The following CAMK4 variants were observed in gnomAD, a reference collection of about 807,000 sequenced individuals.
CAMK4 encodes calcium/calmodulin dependent protein kinase IV, also known as calcium/calmodulin-dependent protein kinase type IV.
CAMK4 carries 22 observed loss-of-function variants against 44.9 expected under a neutral mutation model. The ratio of observed to expected loss-of-function variants is 0.49; its 90% CI spans 0.35 to 0.70. CAMK4 has a LOEUF of 0.70. CAMK4 is among the 30% of genes least tolerant of loss of function. CAMK4 has a pLI of 0.01. For missense variants in CAMK4, 498 were observed against 586.8 expected (o/e 0.85, Z 1.56); for synonymous variants, 218 against 215.4 (o/e 1.01, Z -0.11).
intron 4 of CAMK4, among the ~76,000 whole-genome samples, chr5:111,388,309 T>C (rs144129733): frequency 1.4e-3 from 220 of 152,298 alleles, no homozygotes; most frequent in African/African-American, 5.1e-3. Flanking sequence ...ATACATTACA[T>C]CTATGATAAT....
intron 1 of CAMK4, among the ~76,000 whole-genome samples, chr5:111,323,243 A>G (rs962265904): frequency 6.6e-6 from 1 of 152,102 alleles, no homozygotes; most frequent in Non-Finnish European, 1.5e-5. Flanking sequence ...CTTAAAAGGA[A>G]CCATGAAACA....
intron 1 of CAMK4, among the ~76,000 whole-genome samples, chr5:111,255,543 C>G (rs1749702580): frequency 6.6e-6 from 1 of 152,062 alleles, no homozygotes; most frequent in Admixed American, 6.5e-5. Flanking sequence ...TTCAGTGAAG[C>G]TTTAAAAAAG....
At chr5:111,388,926 C>T (rs1037201521) in intron 4 of CAMK4, among the ~76,000 whole-genome samples, 1 of 152,166 alleles carries the variant, frequency 6.6e-6, no homozygotes, top group East Asian at 1.9e-4. Context: ...CACATGAACA[C>T]AGCTCCCAAG....
intron 1 of CAMK4, among the ~76,000 whole-genome samples, chr5:111,332,479 T>C (rs943713874): frequency 6.6e-6 from 1 of 151,514 alleles, no homozygotes; most frequent in African/African-American, 2.4e-5. Context: ...CAGTCTATCA[T>C]TGTTGGACAT....
chr5:111,362,763 A>G (rs2112799098), intron 2 of CAMK4, among the ~76,000 whole-genome samples: 1 of 152,156 alleles, frequency 6.6e-6, no homozygotes, highest in East Asian at 1.9e-4. Context: ...CTTGGGAAAT[A>G]TGAGGAGTAA....
At position 111,330,754 on chromosome 5, in the gene CAMK4, A is replaced by G. The variant is rs530114714; in HGVS notation, c.162-13270A>G. Among the ~76,000 whole-genome samples, 21 of 151,738 alleles carry G rather than the reference A, an allele frequency of 1.4e-4. 1 individual carries two copies. The highest frequency in any genetic ancestry group is 3.4e-3 in the Middle Eastern group (1 of 294). ...CCCCATAGATAACTACTGTAAAACT[A>G]CAGAAATCAGAGTAGTGAGGCGTTG... On this transcript the variant is annotated intron_variant, in intron 1 of 10. Transcript: ENST00000282356.
chr5:111,250,074 C>G (rs527490800), intron 1 of CAMK4, among the ~76,000 whole-genome samples: 216 of 152,326 alleles, frequency 1.4e-3, no homozygotes, highest in African/African-American at 5.1e-3. Flanking sequence ...GATTATCTGT[C>G]TGACTCCAAA....
intron 1 of CAMK4, among the ~76,000 whole-genome samples, chr5:111,261,753 T>C (rs1011130334): frequency 1.3e-5 from 2 of 152,162 alleles, no homozygotes; most frequent in African/African-American, 4.8e-5. Flanking sequence ...TCTTACCCCT[T>C]CAGGTATGGG....
At chr5:111,225,286 G>A (rs927428011) in intron 1 of CAMK4, among the ~76,000 whole-genome samples, 1 of 152,112 alleles carries the variant, frequency 6.6e-6, no homozygotes, top group African/African-American at 2.4e-5. Context: ...CTTCTTTCAT[G>A]GGCTGGAGTG....
intron 1 of CAMK4, among the ~76,000 whole-genome samples, chr5:111,272,747 AGGAG>A (rs1394024058): frequency 6.6e-6 from 1 of 152,202 alleles, no homozygotes; most frequent in Non-Finnish European, 1.5e-5. Context: ...TTTGATAGAA[AGGAG>A]GGAGCACCAA....
At chr5:111,428,692 A>C (rs1013506375) in intron 5 of CAMK4, among the ~76,000 whole-genome samples, 8 of 152,164 alleles carry the variant, frequency 5.3e-5, no homozygotes, top group Admixed American at 1.3e-4. Flanking sequence ...CAGAGAAGAC[A>C]AAAGAATAAA....
chr5:111,232,579 A>G (rs1015053102), intron 1 of CAMK4, among the ~76,000 whole-genome samples: 4 of 152,180 alleles, frequency 2.6e-5, no homozygotes, highest in African/African-American at 7.2e-5. Context: ...ACCTGTTTAA[A>G]AAAAACAAAA....
chr5:111,292,991 A>C (rs1229545640), intron 1 of CAMK4, among the ~76,000 whole-genome samples: 3 of 152,190 alleles, frequency 2.0e-5, no homozygotes, highest in African/African-American at 7.2e-5. Context: ...TGAATGAAGC[A>C]ATGTGCCTGC....
chr5:111,297,141 T>G (rs946833791), intron 1 of CAMK4, among the ~76,000 whole-genome samples: 4 of 152,344 alleles, frequency 2.6e-5, no homozygotes, highest in East Asian at 3.9e-4. Flanking sequence ...AGAATTCCAA[T>G]TTTTTGAAAA....
chr5:111,248,296 G>C (rs1281200646), intron 1 of CAMK4, among the ~76,000 whole-genome samples: 1 of 152,084 alleles, frequency 6.6e-6, no homozygotes, highest in Non-Finnish European at 1.5e-5. Context: ...TTTAATATTT[G>C]TTCAGAGCTA....
Position 111,489,614 on chromosome 5 carries a change from C to G in CAMK4, c.*5148C>G, listed in dbSNP as rs1036583901. On this transcript the variant is annotated 3_prime_UTR_variant, in exon 11 of 11. Transcript: ENST00000282356. ...GAGGTCCACCAGGGCAAAATAGAAG[C>G]CTTGCCGAGAAAGTGAACTGTCTTA... 2.0e-5 allele frequency: 3 copies of G among 152,062 alleles called. No homozygotes were observed. The highest frequency in any genetic ancestry group is 4.4e-5 in the Non-Finnish European group (3 of 68,018). 9.4% of individuals were successfully genotyped at this position (152,062 alleles called of 1,614,324 possible).
In CAMK4 at chr5:111,482,587, C is replaced by T. The variant is rs923919889; in HGVS notation, c.829-198C>T. On this transcript the variant is annotated intron_variant, in intron 9 of 10. Transcript: ENST00000282356. This position sits in a 1 kb window ranked among gnomAD's most constrained non-coding sequence, Gnocchi z 4.9. ...GGTCTCAGGTGGTACATGGCCCTGT[C>T]TTCTCATACTCCCTCAGCTACTGCT... 1 of 405,878 alleles carries T rather than the reference C, an allele frequency of 2.5e-6. No homozygotes were observed. Among genetic ancestry groups the T allele is most frequent in the African/African-American group, 2.1e-5 (1 of 48,372 alleles). 25.1% of individuals were successfully genotyped at this position (405,878 alleles called of 1,614,324 possible). A position where few individuals can be genotyped will look rare whatever the true frequency, so the allele number is the denominator to read the frequency against.
chr5:111,421,644 CTTGT>C (rs1319617644), intron 5 of CAMK4, among the ~76,000 whole-genome samples: 1 of 152,016 alleles, frequency 6.6e-6, no homozygotes, highest in African/African-American at 2.4e-5. Flanking sequence ...TTAGGTTTGT[CTTGT>C]TTTTTTGTTT....
chr5:111,225,843 T>C (rs776667853), intron 1 of CAMK4, among the ~76,000 whole-genome samples: 1 of 152,220 alleles, frequency 6.6e-6, no homozygotes, highest in Non-Finnish European at 1.5e-5. Flanking sequence ...TTGTCACTGT[T>C]AAAAATGTTT....
Sources: allele counts gnomAD v4.1 joint callset (sites outside exome capture counted in the v4.1 genomes callset), GRCh38; gene constraint gnomAD v4.1.1; non-coding constraint Gnocchi (gnomAD v3.1); transcripts MANE v1.5; gene names NCBI Gene and HGNC (gene_info 2026-07-23, HGNC 2026-07-21).